The following DOCK1 variants were observed in gnomAD, a reference collection of about 807,000 sequenced individuals.
The protein encoded by DOCK1 is dedicator of cytokinesis 1.
A neutral mutation model predicts 262.7 loss-of-function variants in DOCK1; 138 were observed. That is an observed-to-expected ratio of 0.53 (90% CI 0.46 to 0.61). DOCK1 has a LOEUF of 0.61. Ranked by LOEUF, DOCK1 falls within the 20% of genes least tolerant of loss-of-function variation. The pLI is 0.00. For missense variants in DOCK1, 1,908 were observed against 2,370.7 expected (o/e 0.80, Z 4.05); for synonymous variants, 866 against 867.4 (o/e 1.00, Z 0.03).
intron 22 of DOCK1, among the ~76,000 whole-genome samples, chr10:127,057,756 T>G (rs760555539): frequency 8.5e-5 from 13 of 152,232 alleles, no homozygotes; most frequent in Non-Finnish European, 1.9e-4. Context: ...TTTCTTGTGC[T>G]TTGTAGAGTT....
chr10:127,343,355 C>T (rs2063506969), intron 30 of DOCK1, among the ~76,000 whole-genome samples: 1 of 152,176 alleles, frequency 6.6e-6, no homozygotes, highest in Non-Finnish European at 1.5e-5. Context: ...AAGATAGATA[C>T]TCTTGAAATT....
intron 48 of DOCK1, 28 bp from the exon 49 acceptor site, chr10:127,438,999 A>G (rs1043202028): frequency 2.0e-6 from 3 of 1,537,634 alleles, no homozygotes; most frequent in Non-Finnish European, 2.6e-6. Flanking sequence ...TTGCTCTCCT[A>G]TTAAGACGTC....
intron 1 of DOCK1, among the ~76,000 whole-genome samples, chr10:126,960,806 A>T (rs1377952026): frequency 6.8e-6 from 1 of 145,988 alleles, no homozygotes; most frequent in Non-Finnish European, 1.5e-5. Flanking sequence ...ACACACACAC[A>T]CACATAGATA....
intron 29 of DOCK1, among the ~76,000 whole-genome samples, chr10:127,280,064 T>C (rs2060898021): frequency 6.9e-6 from 1 of 145,154 alleles, no homozygotes; most frequent in African/African-American, 2.5e-5. Context: ...AGACGGAGTC[T>C]CGCTCTGTCG....
intron 38 of DOCK1, among the ~76,000 whole-genome samples, chr10:127,400,150 C>A (rs2067136810): frequency 6.7e-6 from 1 of 149,714 alleles, no homozygotes; most frequent in East Asian, 1.9e-4. Context: ...TATTAAAATG[C>A]AGCTCTGATT....
intron 27 of DOCK1, among the ~76,000 whole-genome samples, chr10:127,224,338 G>T (rs2058555487): frequency 6.6e-6 from 1 of 151,878 alleles, no homozygotes; most frequent in Non-Finnish European, 1.5e-5. Context: ...AGGCAGGCAG[G>T]TCACTTGAGG....
At position 127,103,235 on chromosome 10, in the gene DOCK1, G is replaced by A. The variant is rs569995053; in HGVS notation, c.2446-2996G>A. ...GATTACAAATAAAGCTGCTAGAGAC[G>A]TCCACATAAGGGTTTTGTAACCGTC... On this transcript the variant is annotated intron_variant, in intron 23 of 51. Coordinates refer to ENST00000623213, the MANE Select transcript of DOCK1 (RefSeq NM_001290223.2). Among the ~76,000 whole-genome samples the A allele has an allele frequency of 5.9e-5, 9 of 152,294 alleles. No homozygotes were observed. The South Asian group carries it at 8.3e-4, about 14-fold the overall frequency.
intron 33 of DOCK1, among the ~76,000 whole-genome samples, chr10:127,370,255 A>G (rs2065135325): frequency 6.6e-6 from 1 of 152,132 alleles, no homozygotes; most frequent in Non-Finnish European, 1.5e-5. Context: ...ACTAAGGTTT[A>G]TTTTTAAAGG....
chr10:127,438,844 G>A (rs2069872761), intron 48 of DOCK1, among the ~76,000 whole-genome samples, 183 bp from the exon 49 acceptor site: 1 of 152,158 alleles, frequency 6.6e-6, no homozygotes, highest in Admixed American at 6.5e-5. Context: ...CAGTTTATCT[G>A]TGTTGGGATT....
chr10:126,921,200 A>C (rs1310940006), intron 1 of DOCK1, among the ~76,000 whole-genome samples: 1 of 30,146 alleles, frequency 3.3e-5, no homozygotes, highest in Non-Finnish European at 8.5e-5. Flanking sequence ...ACTCTATCTC[A>C]AAAAAAAAAA....
intron 29 of DOCK1, among the ~76,000 whole-genome samples, chr10:127,295,502 C>G (rs1462213721): frequency 6.6e-6 from 1 of 152,068 alleles, no homozygotes; most frequent in Non-Finnish European, 1.5e-5. Context: ...AACGTCCAAA[C>G]CATATCGCCC....
At chr10:127,034,639 G>T (rs987974813) in intron 18 of DOCK1, among the ~76,000 whole-genome samples, 1 of 152,146 alleles carries the variant, frequency 6.6e-6, no homozygotes, top group Non-Finnish European at 1.5e-5. Context: ...TAACCCAAAG[G>T]TGACATCTCC....
chr10:126,990,671 A>C (rs1294694941), intron 6 of DOCK1, 68 bp downstream of exon 6: 3 of 1,515,564 alleles, frequency 2.0e-6, no homozygotes, highest in African/African-American at 2.8e-5. Flanking sequence ...ATAAGTCTTC[A>C]GGAGACCAAG....
intron 33 of DOCK1, among the ~76,000 whole-genome samples, chr10:127,364,365 TA>T (rs1201529681): frequency 6.6e-6 from 1 of 152,178 alleles, no homozygotes; most frequent in Non-Finnish European, 1.5e-5. Flanking sequence ...GGCAGTTTTT[TA>T]ATTTTTTTTT....
chr10:126,993,795 T>A (rs2039977858), intron 6 of DOCK1, among the ~76,000 whole-genome samples: 1 of 152,162 alleles, frequency 6.6e-6, no homozygotes, highest in South Asian at 2.1e-4. Flanking sequence ...AAAAAATCAG[T>A]TTTCTGTATT....
chr10:126,931,133 G>A (rs1371362725), intron 1 of DOCK1, among the ~76,000 whole-genome samples: 1 of 152,034 alleles, frequency 6.6e-6, no homozygotes, highest in East Asian at 1.9e-4. Context: ...GGAGTATCTC[G>A]GAAATAAGAT....
intron 31 of DOCK1, among the ~76,000 whole-genome samples, chr10:127,344,771 A>C (rs918298637): frequency 3.3e-5 from 5 of 152,158 alleles, no homozygotes; most frequent in African/African-American, 1.2e-4. Context: ...TGAGGCAGGA[A>C]GATCACTTGA....
chr10:126,985,825 G>T (rs2039339867), intron 4 of DOCK1, among the ~76,000 whole-genome samples: 1 of 152,064 alleles, frequency 6.6e-6, no homozygotes, highest in Non-Finnish European at 1.5e-5. Context: ...GACACTGATG[G>T]TGGCCCATGA....
rs2069760940 is a variant in DOCK1 at position 127,437,386 on chromosome 10, T to G, written c.5061-1641T>G. Among the ~76,000 whole-genome samples, 1 of 152,178 alleles carries G rather than the reference T, an allele frequency of 6.6e-6. No homozygotes were observed. Among genetic ancestry groups the G allele is most frequent in the Admixed American group, 6.5e-5 (1 of 15,278 alleles). On this transcript the variant is annotated intron_variant, in intron 48 of 51. Coordinates refer to ENST00000623213, the MANE Select transcript of DOCK1 (RefSeq NM_001290223.2). This position sits in a 1 kb window ranked among gnomAD's most constrained non-coding sequence, Gnocchi z 4.4. ...GTTTTGCAAATGATCCTTCCCTTCC[T>G]GGTTCATCTTACTCCCCATTATGGG...
Sources: allele counts gnomAD v4.1 joint callset (sites outside exome capture counted in the v4.1 genomes callset), GRCh38; gene constraint gnomAD v4.1.1; non-coding constraint Gnocchi (gnomAD v3.1); transcripts MANE v1.5; gene names NCBI Gene and HGNC (gene_info 2026-07-23, HGNC 2026-07-21).